Variants in TXNRD1 observed in about 807,000 individuals in gnomAD.
TXNRD1 encodes thioredoxin reductase 1.
A neutral mutation model predicts 80.3 loss-of-function variants in TXNRD1; 57 were observed. The ratio of observed to expected loss-of-function variants is 0.71; its 90% confidence interval spans 0.57 to 0.89. The LOEUF (loss-of-function observed/expected upper bound fraction) is 0.89, where lower values mean the gene tolerates loss of function less well. TXNRD1 is among the 40% of genes least tolerant of loss of function. TXNRD1 has a pLI of 0.00. For missense variants in TXNRD1, 730 were observed against 803.0 expected (o/e 0.91, Z 1.10); for synonymous variants, 291 against 285.2 (o/e 1.02, Z -0.20).
intron 1 of TXNRD1, among the ~76,000 whole-genome samples, chr12:104,235,677 G>A (rs2032724224): frequency 6.6e-6 from 1 of 152,188 alleles, no homozygotes; most frequent in Admixed American, 6.5e-5. Flanking sequence ...TGCTTTGCAT[G>A]TCTTTCTGTG....
intron 16 of TXNRD1, among the ~76,000 whole-genome samples, chr12:104,340,455 C>A (rs1207486951): frequency 1.3e-5 from 2 of 152,136 alleles, no homozygotes; most frequent in Non-Finnish European, 2.9e-5. Flanking sequence ...ATATTTCCTC[C>A]CTCTCAGTTC....
chr12:104,220,452 G>A (rs7311546), intron 1 of TXNRD1, among the ~76,000 whole-genome samples: 28,085 of 151,800 alleles, frequency 0.19, 3,260 homozygotes, highest in East Asian at 0.57. Context: ...GGCCAGGTGC[G>A]GTAGATCATG....
In TXNRD1 at chr12:104,334,276, C is replaced by G; in HGVS notation, c.1690C>G (p.Pro564Ala). The change falls in exon 15 of 17, where the codon CCG becomes GCG. Residue 564 changes from proline (P) to alanine (A), a missense_variant. Physicochemically the swap from Pro to Ala is conservative, Grantham distance 27. Coordinates refer to ENST00000525566, the MANE Select transcript of TXNRD1 (RefSeq NM_001093771.3). ...SYFWPLEWTI[P>A]SRDNNKCYAK... ...CTTTTGGCCATTGGAATGGACGATT[C>G]CGTCAAGAGATAACAACAAATGTTA... 1 of 1,537,814 alleles carries G rather than the reference C, an allele frequency of 6.5e-7. No homozygotes were observed. Among genetic ancestry groups the G allele is most frequent in the Admixed American group, 2.0e-5 (1 of 48,838 alleles).
At chr12:104,310,408 C>T (rs952919140) in intron 4 of TXNRD1, among the ~76,000 whole-genome samples, 12 of 152,162 alleles carry the variant, frequency 7.9e-5, no homozygotes, top group East Asian at 1.9e-4. Flanking sequence ...CTTGGCCTCC[C>T]GAAGTGCTGG....
chr12:104,295,118 T>TG (rs1328722377), intron 4 of TXNRD1, among the ~76,000 whole-genome samples: 1 of 152,120 alleles, frequency 6.6e-6, no homozygotes, highest in Non-Finnish European at 1.5e-5. Flanking sequence ...TTTATTAGAG[T>TG]CTTAGACTGT....
At chr12:104,246,526 GTT>G (rs66611871) in intron 1 of TXNRD1, among the ~76,000 whole-genome samples, 68,426 of 133,146 alleles carry the variant, frequency 0.51, 18,151 homozygotes, top group East Asian at 0.76. Flanking sequence ...CTTTGTGATG[GTT>G]TTTTTTTTTT....
chr12:104,284,802 A>G (rs1299269299), intron 3 of TXNRD1, among the ~76,000 whole-genome samples: 1 of 152,184 alleles, frequency 6.6e-6, no homozygotes, highest in Non-Finnish European at 1.5e-5. Context: ...CTAGGCCCTT[A>G]GGGAGGGAAG....
intron 4 of TXNRD1, among the ~76,000 whole-genome samples, chr12:104,299,471 A>C (rs1219608911): frequency 6.6e-6 from 1 of 152,182 alleles, no homozygotes; most frequent in Non-Finnish European, 1.5e-5. Flanking sequence ...AAAGAAAATT[A>C]CGATGAAAGA....
rs1397030164 is a variant in TXNRD1 at position 104,319,477 on chromosome 12, A to G, written c.881A>G (p.Asn294Ser). 6.3e-7 allele frequency: 1 copy of G among 1,577,758 alleles called. No individual in the cohort carries two copies. Among genetic ancestry groups the G allele is most frequent in the Non-Finnish European group, 8.6e-7 (1 of 1,160,942 alleles). ...ATATTGGTTCCTTTGTAGGCAACAA[A>G]TAATAAAGGCAAAGAAAAAATTTAT... ...FIGPHRIKAT[N>S]NKGKEKIYSA... Residue 294 changes from asparagine (N) to serine (S), a missense_variant, in exon 9 of 17, where the codon AAT becomes AGT. Asn to Ser is a conservative substitution (Grantham distance 46). Coordinates refer to ENST00000525566, the MANE Select transcript of TXNRD1 (RefSeq NM_001093771.3).
At chr12:104,262,916 G>C (rs528264768) in intron 3 of TXNRD1, among the ~76,000 whole-genome samples, 14 of 152,136 alleles carry the variant, frequency 9.2e-5, no homozygotes, top group African/African-American at 2.9e-4. Context: ...ACCTCTCACA[G>C]AAAATCAAGA....
intron 3 of TXNRD1, among the ~76,000 whole-genome samples, chr12:104,259,698 G>A (rs1389724823): frequency 2.0e-5 from 3 of 151,592 alleles, no homozygotes; most frequent in Admixed American, 6.6e-5. Flanking sequence ...TCCATGTTGA[G>A]GCTGGTCTCG....
At position 104,241,920 on chromosome 12, in the gene TXNRD1, TA is replaced by T. The variant is rs1231094059; in HGVS notation, c.92-9606del. Among the ~76,000 whole-genome samples, 4 of 150,310 alleles carry T rather than the reference TA, an allele frequency of 2.7e-5. No homozygotes were observed. In the East Asian group the frequency reaches 5.9e-4, roughly 22 times the overall value. ...TTTTATTTTTTCATTTAACATCTTT[TA>T]TTTTTTATACTAATGATTTTTTTTT... On this transcript the variant is annotated intron_variant, in intron 1 of 16. Coordinates refer to ENST00000525566, the MANE Select transcript of TXNRD1 (RefSeq NM_001093771.3).
At chr12:104,344,223 G>GT (rs1253671307) in intron 16 of TXNRD1, among the ~76,000 whole-genome samples, 6 of 152,278 alleles carry the variant, frequency 3.9e-5, no homozygotes, top group East Asian at 1.9e-4. Flanking sequence ...CCTGTTAGCT[G>GT]TTTTTTCCCC....
rs192120660 is a variant in TXNRD1 at position 104,283,449 on chromosome 12, A to C, written c.305-5482A>C. 5.6e-4 allele frequency among the ~76,000 whole-genome samples: 85 copies of C among 151,714 alleles called. No individual in the cohort carries two copies. The East Asian group carries it at 0.015, about 27-fold the overall frequency. On this transcript the variant is annotated intron_variant, in intron 3 of 16. Transcript: ENST00000525566. ...GTATTTTTAGTAGAGACGGGGTTTCACCATGTTGGCCAGGCTGGCCTCGCA... is the reference window on the plus strand; with the variant it reads ...GTATTTTTAGTAGAGACGGGGTTTCCCCATGTTGGCCAGGCTGGCCTCGCA...
Position 104,290,355 on chromosome 12 carries a change from C to T in TXNRD1, c.414+1315C>T, listed in dbSNP as rs571353427. On this transcript the variant is annotated intron_variant, in intron 4 of 16. Coordinates refer to ENST00000525566, the MANE Select transcript of TXNRD1 (RefSeq NM_001093771.3). ...GTTAAAATATATTGTGTTACTCAGA[C>T]CTTTAGTTTGCAGGTAAAAAGAGAT... Among the ~76,000 whole-genome samples the T allele has an allele frequency of 3.9e-5, 6 of 152,072 alleles. No individual in the cohort carries two copies. In the East Asian group the frequency reaches 1.2e-3, roughly 29 times the overall value.
At chr12:104,230,131 G>A (rs988164094) in intron 1 of TXNRD1, among the ~76,000 whole-genome samples, 1 of 151,820 alleles carries the variant, frequency 6.6e-6, no homozygotes, top group African/African-American at 2.4e-5. Flanking sequence ...GTGCAGTGGT[G>A]TGATCTTGGC....
chr12:104,237,759 A>G (rs1433161021), intron 1 of TXNRD1, among the ~76,000 whole-genome samples: 1 of 152,236 alleles, frequency 6.6e-6, no homozygotes, highest in East Asian at 1.9e-4. Context: ...TCATGCCTGT[A>G]ATCCCAGCAC....
intron 1 of TXNRD1, among the ~76,000 whole-genome samples, chr12:104,250,002 A>G (rs1291718929): frequency 6.6e-6 from 1 of 151,918 alleles, no homozygotes; most frequent in Non-Finnish European, 1.5e-5. Context: ...ATGATTAATA[A>G]TAAACATTTT....
intron 3 of TXNRD1, chr12:104,288,683 C>G (rs548684805): frequency 7.9e-7 from 1 of 1,258,920 alleles, no homozygotes; most frequent in Non-Finnish European, 1.0e-6. Flanking sequence ...AGAACTCTGA[C>G]GTTTACAGCT....
Sources: allele counts gnomAD v4.1 joint callset (sites outside exome capture counted in the v4.1 genomes callset), GRCh38; gene constraint gnomAD v4.1.1; transcripts MANE v1.5; gene names NCBI Gene and HGNC (gene_info 2026-07-23, HGNC 2026-07-21).